Variants in RPL28 observed in about 807,000 individuals in gnomAD.
RPL28 encodes ribosomal protein L28.
A neutral mutation model predicts 12.5 loss-of-function variants in RPL28; 4 were observed. The observed-to-expected ratio is 0.32, with a 90% confidence interval of 0.16 to 0.73. The LOEUF (loss-of-function observed/expected upper bound fraction) is 0.73. Ranked by LOEUF, RPL28 falls within the 30% of genes least tolerant of loss-of-function variation. RPL28 has a pLI of 0.66. For synonymous variants in RPL28, 91 were observed against 72.5 expected, an observed-to-expected ratio of 1.26 and a Z score of -1.30; for missense variants, 214 against 197.7, an observed-to-expected ratio of 1.08 and a Z score of -0.49.
downstream of RPL28, among the ~76,000 whole-genome samples, chr19:55,392,265 A>C (rs1405155182): frequency 2.0e-5 from 3 of 152,190 alleles, no homozygotes; most frequent in African/African-American, 4.8e-5. Context: ...ACGGGGTCTC[A>C]CTGTTGCCTG....
downstream of RPL28, among the ~76,000 whole-genome samples, chr19:55,395,650 A>G (rs62128191): frequency 0.011 from 1,564 of 148,720 alleles, 9 homozygotes; most frequent in African/African-American, 0.023. Flanking sequence ...TCACTGTGTT[A>G]GCCAGGATGG....
downstream of RPL28, among the ~76,000 whole-genome samples, chr19:55,396,147 C>CGTAGTT (rs1218296146): frequency 6.6e-6 from 1 of 150,874 alleles, no homozygotes; most frequent in Non-Finnish European, 1.5e-5. Context: ...AGTGTGCACC[C>CGTAGTT]GTAGTTCCAG....
chr19:55,398,489 ATTG>A (rs2090037286), intron 4 of RPL28, among the ~76,000 whole-genome samples: 1 of 152,124 alleles, frequency 6.6e-6, no homozygotes, highest in Non-Finnish European at 1.5e-5. Context: ...CTCAGATTTA[ATTG>A]TTGTTTTTCT....
In RPL28 at chr19:55,386,347, C is replaced by T; in HGVS notation, c.-8-3C>T. On this transcript the variant is annotated splice_polypyrimidine_tract_variant and splice_region_variant and intron_variant, in intron 1 of 4. Transcript: ENST00000344063. Reference sequence around the variant, plus strand: ...CGCTTTCCCTGTGCCCGTTTCCCCGCAGCCGCCGCCATGTCTGCGCATCTG... The same window carrying T: ...CGCTTTCCCTGTGCCCGTTTCCCCGTAGCCGCCGCCATGTCTGCGCATCTG... 2 of 1,613,330 alleles carry T rather than the reference C, an allele frequency of 1.2e-6. No homozygotes were observed. Among genetic ancestry groups the T allele is most frequent in the Non-Finnish European group, 1.7e-6 (2 of 1,179,714 alleles).
chr19:55,395,668 C>T (rs1180529964), downstream of RPL28, among the ~76,000 whole-genome samples: 13 of 150,164 alleles, frequency 8.7e-5, no homozygotes, highest in Non-Finnish European at 1.5e-4. Context: ...TGGTCTCAAT[C>T]TCCTGACCTT....
At chr19:55,401,303 G>A in intron 4 of RPL28, 1 of 930,392 alleles carries the variant, frequency 1.1e-6, no homozygotes, top group South Asian at 1.7e-5. Flanking sequence ...ACTTTATTTA[G>A]AAAAACAAAT....
chr19:55,388,076 G>C, intron 4 of RPL28, 28 bp downstream of exon 4: 1 of 1,613,078 alleles, frequency 6.2e-7, no homozygotes, highest in Admixed American at 1.7e-5. Context: ...GATCAGGCTT[G>C]GGGAGACTGG....
downstream of RPL28, among the ~76,000 whole-genome samples, chr19:55,392,990 T>TAAAC (rs1372660799): frequency 6.6e-6 from 1 of 152,052 alleles, no homozygotes; most frequent in South Asian, 2.1e-4. Context: ...GCCACTCATT[T>TAAAC]AAACACACCC....
intron 4 of RPL28, chr19:55,402,870 C>A: frequency 1.5e-6 from 2 of 1,320,112 alleles, no homozygotes; most frequent in Non-Finnish European, 2.0e-6. Context: ...GGCAGGAAAC[C>A]CCAATTCCCC....
intron 4 of RPL28, chr19:55,401,784 C>A: frequency 6.2e-7 from 1 of 1,612,574 alleles, no homozygotes; most frequent in Admixed American, 1.7e-5. Flanking sequence ...GGCTCAGGGT[C>A]ACAGTGGGTC....
intron 4 of RPL28, 30 bp from the exon 5 acceptor site, chr19:55,388,213 C>T (rs2089954590): frequency 1.3e-6 from 2 of 1,517,434 alleles, no homozygotes; most frequent in Admixed American, 2.3e-5. Flanking sequence ...AGTGTATGGG[C>T]TGAGCCTTGC....
Position 55,386,648 on chromosome 19 carries a change from G to A in RPL28, c.160G>A (p.Ala54Thr). 1.2e-6 allele frequency: 2 copies of A among 1,614,136 alleles called. No homozygotes were observed. Among genetic ancestry groups the A allele is most frequent in the South Asian group, 1.1e-5 (1 of 91,088 alleles). Residue 54 changes from alanine (A) to threonine (T), a missense_variant, in exon 3 of 5, where the codon GCA (alanine) becomes ACA (threonine). Physicochemically the swap from Ala to Thr is moderately conservative, Grantham distance 58. Transcript: ENST00000344063. ...CCGCAAGACTGTGGGCGTGGAGCCG[G>A]CAGCCGACGGCAAAGGTGTCGTGGT... ...IHRKTVGVEP[A>T]ADGKGVVVVI...
At chr19:55,386,998 G>T (rs1296912451) in intron 3 of RPL28, 3 of 1,442,234 alleles carry the variant, frequency 2.1e-6, no homozygotes, top group Admixed American at 5.6e-5. Context: ...AGCAAGTCAG[G>T]GTGGGGATGG....
downstream of RPL28, among the ~76,000 whole-genome samples, chr19:55,394,508 G>A (rs1000673218): frequency 6.6e-6 from 1 of 152,040 alleles, no homozygotes; most frequent in South Asian, 2.1e-4. Context: ...TGATCCTCCT[G>A]CCTTGGCCTC....
chr19:55,402,887 TC>T (rs1299222065), intron 4 of RPL28: 1 of 1,439,012 alleles, frequency 6.9e-7, no homozygotes, highest in African/African-American at 1.4e-5. Context: ...CCCCACCCTC[TC>T]TGCCATGTGC....
At position 55,390,380 on chromosome 19, in the gene RPL28, T is replaced by C; in HGVS notation, c.*2048T>C. The C allele has an allele frequency of 1.2e-6, 1 of 826,716 alleles. No individual in the cohort carries two copies. The highest frequency in any genetic ancestry group is 5.5e-5 in the South Asian group (1 of 18,196). The allele number at this position is 826,716 out of a possible 1,614,324, so 51.2% of individuals were successfully genotyped here. On this transcript the variant is annotated 3_prime_UTR_variant, in exon 5 of 5. Coordinates refer to ENST00000344063, the MANE Select transcript of RPL28 (RefSeq NM_000991.5). ...TCACCACACCCAGCTCAGTATTGTA[T>C]TTTTAGCAGAGATGGGGTTTCACCA...
rs909709943 is a variant in RPL28 at position 55,390,881 on chromosome 19, T to C, written c.*2549T>C. On this transcript the variant is annotated 3_prime_UTR_variant, in exon 5 of 5. Transcript: ENST00000344063. ...CCATTTCCCTCCTCTAGACCTCATC[T>C]TGGAGAGAGAGATGTTGGATGGGGC... 1.1e-5 allele frequency: 11 copies of C among 984,998 alleles called. No homozygotes were observed. In the African/African-American group the frequency reaches 1.9e-4, roughly 17 times the overall value. 61.0% of individuals were successfully genotyped at this position (984,998 alleles called of 1,614,324 possible). A position where few individuals can be genotyped will look rare whatever the true frequency, so the allele number is the denominator to read the frequency against.
chr19:55,400,343 A>G (rs1600316131), intron 4 of RPL28: 1 of 152,182 alleles, frequency 6.6e-6, no homozygotes, highest in Non-Finnish European at 1.5e-5. Context: ...AAAATTAATG[A>G]GACATTGGTC....
chr19:55,401,715 G>T, intron 4 of RPL28: 1 of 1,613,400 alleles, frequency 6.2e-7, no homozygotes, highest in Non-Finnish European at 8.5e-7. Context: ...CCGCCTCCTC[G>T]TTGAGTGCAG....
Sources: allele counts gnomAD v4.1 joint callset (sites outside exome capture counted in the v4.1 genomes callset), GRCh38; gene constraint gnomAD v4.1.1; transcripts MANE v1.5; gene names NCBI Gene and HGNC (gene_info 2026-07-23, HGNC 2026-07-21).